The following FGGY variants were observed in gnomAD, a reference collection of about 807,000 sequenced individuals.
The protein encoded by FGGY is FGGY carbohydrate kinase domain-containing protein.
A neutral mutation model predicts 71.3 loss-of-function variants in FGGY; 72 were observed. The ratio of observed to expected loss-of-function variants is 1.01; its 90% confidence interval spans 0.84 to 1.23. FGGY has a LOEUF of 1.23. Ranked by LOEUF, FGGY falls within the 50% of genes most tolerant of loss-of-function variation. FGGY has a pLI of 0.00. For missense variants in FGGY, 668 were observed against 682.3 expected (o/e 0.98, Z 0.23); for synonymous variants, 251 against 250.3 (o/e 1.00, Z -0.02).
intron 9 of FGGY, among the ~76,000 whole-genome samples, chr1:59,616,747 T>C (rs1022598726): frequency 6.6e-6 from 1 of 152,158 alleles, no homozygotes; most frequent in Non-Finnish European, 1.5e-5. Flanking sequence ...CTTTGAATGA[T>C]AGTCATAATT....
intron 11 of FGGY, among the ~76,000 whole-genome samples, chr1:59,651,713 C>T (rs1236098700): frequency 2.7e-5 from 4 of 150,738 alleles, no homozygotes; most frequent in Non-Finnish European, 4.4e-5. Context: ...TCCAATTTGC[C>T]AGTCTGTGTC....
rs2056301427 is a variant in FGGY at position 59,364,870 on chromosome 1, C to T, written c.466-13879C>T. 4.6e-5 allele frequency among the ~76,000 whole-genome samples: 7 copies of T among 152,290 alleles called. No individual in the cohort carries two copies. In the South Asian group the frequency reaches 1.5e-3, roughly 32 times the overall value. Reference sequence around the variant, plus strand: ...CTCTAATACAGGGTGATGAGGTGGGCACCTCTTCATGAATTAATTGGGAGT... The same window carrying T: ...CTCTAATACAGGGTGATGAGGTGGGTACCTCTTCATGAATTAATTGGGAGT... On this transcript the variant is annotated intron_variant, in intron 4 of 15. Coordinates refer to ENST00000303721, the MANE Select transcript of FGGY (RefSeq NM_018291.5).
intron 6 of FGGY, among the ~76,000 whole-genome samples, chr1:59,482,912 T>A (rs1447766181): frequency 6.6e-6 from 1 of 152,036 alleles, no homozygotes; most frequent in Non-Finnish European, 1.5e-5. Context: ...GAGGATTGAA[T>A]TCAGTGATTC....
chr1:59,662,016 G>C (rs2097279477), intron 12 of FGGY, among the ~76,000 whole-genome samples: 1 of 145,724 alleles, frequency 6.9e-6, no homozygotes, highest in Non-Finnish European at 1.5e-5. Flanking sequence ...ACCGCACCTG[G>C]CCGAGTTAAG....
chr1:59,622,626 C>T (rs1295067333), intron 9 of FGGY, among the ~76,000 whole-genome samples: 2 of 152,156 alleles, frequency 1.3e-5, no homozygotes, highest in Non-Finnish European at 2.9e-5. Context: ...TTTATAGGCA[C>T]AGTGTTGCAT....
chr1:59,649,024 T>C (rs2097129014), intron 11 of FGGY, among the ~76,000 whole-genome samples: 1 of 151,594 alleles, frequency 6.6e-6, no homozygotes, highest in South Asian at 2.1e-4. Flanking sequence ...CCCCATTGCT[T>C]GTTTTTCTCA....
intron 6 of FGGY, among the ~76,000 whole-genome samples, chr1:59,485,555 G>A (rs545047236): frequency 5.3e-5 from 8 of 152,274 alleles, no homozygotes; most frequent in Non-Finnish European, 5.9e-5. Context: ...GACTTTGTTT[G>A]TATGAGTAGG....
At chr1:59,679,642 T>A (rs993403408) in intron 14 of FGGY, among the ~76,000 whole-genome samples, 3 of 152,112 alleles carry the variant, frequency 2.0e-5, no homozygotes, top group African/African-American at 7.2e-5. Context: ...TATTTAATAT[T>A]ATGGTTTCTA....
At position 59,398,247 on chromosome 1, in the gene FGGY, AT is replaced by A. The variant is rs550997123; in HGVS notation, c.554+19421del. Among the ~76,000 whole-genome samples, 192 of 149,218 alleles carry A rather than the reference AT, an allele frequency of 1.3e-3. 4 individuals carry two copies. In the East Asian group the frequency reaches 0.029, roughly 23 times the overall value. ...GATCATGATTTTACTGTAAAAAAAA[AT>A]TTTTTTTTTTGAGACATGGTTTCAC... On this transcript the variant is annotated intron_variant, in intron 5 of 15. Transcript: ENST00000303721.
intron 7 of FGGY, among the ~76,000 whole-genome samples, chr1:59,525,038 T>C (rs1363768655): frequency 6.6e-6 from 1 of 152,202 alleles, no homozygotes; most frequent in East Asian, 1.9e-4. Context: ...TTGAGGTTCA[T>C]GGCATCTCCA....
At chr1:59,490,733 C>T (rs2093804428) in intron 6 of FGGY, among the ~76,000 whole-genome samples, 1 of 152,038 alleles carries the variant, frequency 6.6e-6, no homozygotes, top group African/African-American at 2.4e-5. Flanking sequence ...CATTCTTCTG[C>T]ACATAGATAT....
chr1:59,442,884 A>G (rs557715485), intron 5 of FGGY, among the ~76,000 whole-genome samples: 7 of 152,344 alleles, frequency 4.6e-5, no homozygotes, highest in Admixed American at 6.5e-5. Context: ...CTAGATCCTA[A>G]ACCAAAATTG....
intron 5 of FGGY, among the ~76,000 whole-genome samples, chr1:59,381,631 GT>G (rs1432032943): frequency 2.6e-5 from 1 of 38,334 alleles, no homozygotes; most frequent in South Asian, 8.1e-4. Context: ...TATAACTCGT[GT>G]GTGTGTGTGT....
intron 11 of FGGY, among the ~76,000 whole-genome samples, chr1:59,646,008 A>T (rs1250135846): frequency 1.3e-5 from 2 of 152,194 alleles, no homozygotes; most frequent in East Asian, 1.9e-4. Context: ...ACCAGGAGAG[A>T]GTCAGGGAGG....
At chr1:59,586,663 AAAAT>A (rs1454373277) in intron 8 of FGGY, among the ~76,000 whole-genome samples, 3 of 152,184 alleles carry the variant, frequency 2.0e-5, no homozygotes, top group African/African-American at 7.2e-5. Context: ...ATAATAATAA[AAAAT>A]AAAAGACCAC....
At chr1:59,522,146 A>C (rs11207466) in intron 7 of FGGY, among the ~76,000 whole-genome samples, 28,744 of 152,160 alleles carry the variant, frequency 0.19, 3,229 homozygotes, top group African/African-American at 0.29. Context: ...TTATTTTTGG[A>C]CTTTAACATA....
chr1:59,448,952 T>G (rs901407157), intron 5 of FGGY, among the ~76,000 whole-genome samples: 3 of 152,222 alleles, frequency 2.0e-5, no homozygotes, highest in African/African-American at 7.2e-5. Flanking sequence ...CACCATGGGC[T>G]GCTGAGACCA....
intron 15 of FGGY, among the ~76,000 whole-genome samples, chr1:59,762,271 A>G (rs1356090902): frequency 6.6e-6 from 1 of 152,032 alleles, no homozygotes; most frequent in Admixed American, 6.6e-5. Context: ...TGTATTTTTA[A>G]GAGATGGGGT....
At chr1:59,667,888 C>A (rs1355004058) in intron 13 of FGGY, among the ~76,000 whole-genome samples, 1 of 152,102 alleles carries the variant, frequency 6.6e-6, no homozygotes, top group South Asian at 2.1e-4. Context: ...TAGTGGGGCA[C>A]CTTGTCTGGT....
Sources: allele counts gnomAD v4.1 joint callset (sites outside exome capture counted in the v4.1 genomes callset), GRCh38; gene constraint gnomAD v4.1.1; transcripts MANE v1.5; gene names NCBI Gene and HGNC (gene_info 2026-07-23, HGNC 2026-07-21).